TRIM55: variants seen among roughly 807,000 people sequenced by gnomAD.
The protein encoded by TRIM55 is tripartite motif containing 55, also known as tripartite motif-containing protein 55.
TRIM55 carries 50 observed loss-of-function variants against 60.9 expected under a neutral mutation model. The ratio of observed to expected loss-of-function variants is 0.82; its 90% CI spans 0.65 to 1.04. TRIM55 has a LOEUF of 1.04. Among genes scored for constraint, TRIM55 ranks in the 50% least tolerant of loss-of-function variants. TRIM55 has a pLI of 0.00. For synonymous variants in TRIM55, 237 were observed against 238.1 expected, an observed-to-expected ratio of 1.00 and a Z score of 0.04; for missense variants, 681 against 666.9, an observed-to-expected ratio of 1.02 and a Z score of -0.23.
At chr8:66,148,100 C>G (rs1810204814) in intron 4 of TRIM55, among the ~76,000 whole-genome samples, 1 of 152,156 alleles carries the variant, frequency 6.6e-6, no homozygotes, top group African/African-American at 2.4e-5. Context: ...CACTATGGCT[C>G]ACAACCTGCT....
chr8:66,118,168 C>CAAAAAAAAAAAAAAA, the TRIM55 span, among the ~76,000 whole-genome samples: 1 of 39,892 alleles, frequency 2.5e-5, no homozygotes, highest in African/African-American at 6.0e-5. Flanking sequence ...GACTCCGTCT[C>CAAAAAAAAAAAAAAA]AAAAAAAAAA....
intron 3 of TRIM55, among the ~76,000 whole-genome samples, chr8:66,135,414 G>A (rs181409289): frequency 2.0e-4 from 31 of 152,324 alleles, no homozygotes; most frequent in African/African-American, 7.0e-4. Flanking sequence ...GGTGCAGAAC[G>A]GCACGATCCC....
chr8:66,167,697 A>G (rs1811401171), intron 9 of TRIM55, among the ~76,000 whole-genome samples: 1 of 152,174 alleles, frequency 6.6e-6, no homozygotes, highest in Non-Finnish European at 1.5e-5. Flanking sequence ...AGTTCACTCC[A>G]CACACCCCCT....
At chr8:66,113,973 A>G in the TRIM55 span, among the ~76,000 whole-genome samples, 1 of 151,564 alleles carries the variant, frequency 6.6e-6, no homozygotes, top group Non-Finnish European at 1.5e-5. Context: ...GGCACCCGGG[A>G]AGCTGTGCCC....
At chr8:66,137,233 T>C (rs368771107) in intron 4 of TRIM55, 43 bp downstream of exon 4, 5 of 1,479,094 alleles carry the variant, frequency 3.4e-6, no homozygotes, top group African/African-American at 2.8e-5. Flanking sequence ...AAGCCTGCAA[T>C]GCCTGGGGGT....
intron 9 of TRIM55, among the ~76,000 whole-genome samples, chr8:66,162,252 C>T (rs1811094577): frequency 1.3e-5 from 2 of 152,168 alleles, no homozygotes; most frequent in South Asian, 2.1e-4. Flanking sequence ...TTGTCAAATG[C>T]TTTTTCTGCA....
Position 66,130,761 on chromosome 8 carries a change from C to T in TRIM55, c.341+2285C>T, listed in dbSNP as rs180740913. On this transcript the variant is annotated intron_variant, in intron 2 of 9. Transcript: ENST00000315962. ...CTACAAGCTCTGCCTCCCAGGTTCACGCCATTCTCCTGTCTCAGCCTCCCA... is the reference window on the plus strand; with the variant it reads ...CTACAAGCTCTGCCTCCCAGGTTCATGCCATTCTCCTGTCTCAGCCTCCCA... Among the ~76,000 whole-genome samples, 283 of 151,024 alleles carry T rather than the reference C, an allele frequency of 1.9e-3. 2 individuals are homozygous for T. The highest frequency in any genetic ancestry group is 6.5e-3 in the African/African-American group (269 of 41,088).
chr8:66,174,916 G>T lies in TRIM55; in HGVS notation c.*323G>T. ...ACAAGTGGCAAATGGTGAAAAAAGT[G>T]GTCACTATGCTTTTGTCTCTCATAG... On this transcript the variant is annotated 3_prime_UTR_variant, in exon 10 of 10. Transcript: ENST00000315962. 5.9e-6 allele frequency: 1 copy of T among 169,572 alleles called. No homozygotes were observed. The highest frequency in any genetic ancestry group is 1.3e-5 in the Non-Finnish European group (1 of 79,048). The allele number at this position is 169,572 out of a possible 1,614,324, so 10.5% of individuals were successfully genotyped here.
At chr8:66,116,631 A>C in the TRIM55 span, among the ~76,000 whole-genome samples, 1 of 71,448 alleles carries the variant, frequency 1.4e-5, no homozygotes, top group Admixed American at 1.6e-4. Context: ...GAAAGAAAGA[A>C]AAAAGACTGG....
rs1810301406 is a variant in TRIM55 at position 66,149,736 on chromosome 8, T to C, written c.695T>C (p.Val232Ala). 6.2e-7 allele frequency: 1 copy of C among 1,614,068 alleles called. No individual in the cohort carries two copies. Among genetic ancestry groups the C allele is most frequent in the South Asian group, 1.1e-5 (1 of 91,080 alleles). ...GAGAGGAAGAATGAAATGACCCAAG[T>C]CATTACCCGAACCCAAGAGGAGAAA... Reference protein sequence around the residue: ...LEERKNEMTQVITRTQEEKLE... With the variant: ...LEERKNEMTQAITRTQEEKLE... The change falls in exon 5 of 10, where the codon GTC becomes GCC. Residue 232 changes from valine to alanine, a missense_variant. By Grantham distance (64) the Val-to-Ala change is moderately conservative. Coordinates refer to ENST00000315962, the MANE Select transcript of TRIM55 (RefSeq NM_184085.2).
rs1255718089 is a variant in TRIM55 at position 66,174,628 on chromosome 8, G to A, written c.*35G>A. 3.2e-6 allele frequency: 5 copies of A among 1,556,610 alleles called. No individual in the cohort carries two copies. The highest frequency in any genetic ancestry group is 4.9e-5 in the East Asian group (2 of 40,780). On this transcript the variant is annotated 3_prime_UTR_variant, in exon 10 of 10. Coordinates refer to ENST00000315962, the MANE Select transcript of TRIM55 (RefSeq NM_184085.2). ...CAACTGCTGCCCCTCTGTCTGCCTG[G>A]CTGAGATGCATGTGGGCAGCAGGAA...
At chr8:66,142,684 A>G (rs1809886505) in intron 4 of TRIM55, among the ~76,000 whole-genome samples, 1 of 152,218 alleles carries the variant, frequency 6.6e-6, no homozygotes, top group Non-Finnish European at 1.5e-5. Context: ...GGCAACATGA[A>G]GTAGTAGAAA....
chr8:66,153,758 A>G (rs1162830835), intron 8 of TRIM55, among the ~76,000 whole-genome samples: 1 of 152,146 alleles, frequency 6.6e-6, no homozygotes, highest in Non-Finnish European at 1.5e-5. Flanking sequence ...ATATTTTATA[A>G]CCAACATTCA....
At chr8:66,153,804 G>A (rs914970873) in intron 8 of TRIM55, among the ~76,000 whole-genome samples, 1 of 152,108 alleles carries the variant, frequency 6.6e-6, no homozygotes, top group Non-Finnish European at 1.5e-5. Context: ...TGGGCTCCCA[G>A]TGAGTGAAAG....
At position 66,137,009 on chromosome 8, in the gene TRIM55, C is replaced by T. The variant is rs1010841032; in HGVS notation, c.508-86C>T. ...GGTTGCATGGATCCTAAATTAAGAA[C>T]CTGTAAAGACAATATTATGACCAAT... On this transcript the variant is annotated intron_variant, in intron 3 of 9. Coordinates refer to ENST00000315962, the MANE Select transcript of TRIM55 (RefSeq NM_184085.2). 7 of 1,124,254 alleles carry T rather than the reference C, an allele frequency of 6.2e-6. No homozygotes were observed. The Admixed American group carries it at 9.0e-5, about 14-fold the overall frequency. 69.6% of individuals were successfully genotyped at this position (1,124,254 alleles called of 1,614,324 possible).
At chr8:66,125,560 T>C (rs2128971256), upstream of TRIM55, among the ~76,000 whole-genome samples, 1 of 152,344 alleles carries the variant, frequency 6.6e-6, no homozygotes, top group Non-Finnish European at 1.5e-5. Flanking sequence ...CATATTGTAC[T>C]CAGACCTCCC....
chr8:66,150,537 G>T, intron 7 of TRIM55, 71 bp downstream of exon 7: 2 of 1,572,152 alleles, frequency 1.3e-6, no homozygotes, highest in Non-Finnish European at 1.7e-6. Flanking sequence ...TGGGTGGGAG[G>T]AAAGCGGGGA....
At chr8:66,113,415 G>A in the TRIM55 span, 45 of 432,122 alleles carry the variant, frequency 1.0e-4, no homozygotes, top group Admixed American at 7.9e-4. Context: ...TACTTCCTCA[G>A]CAGGAGACAT....
intron 4 of TRIM55, among the ~76,000 whole-genome samples, chr8:66,138,254 A>G (rs1820149183): frequency 1.3e-5 from 2 of 152,060 alleles, no homozygotes; most frequent in Admixed American, 1.3e-4. Context: ...CCACTCTAAC[A>G]TGTTTGATGT....
Sources: gnomAD v4.1 joint callset for allele counts (sites outside exome capture counted in the v4.1 genomes callset) on GRCh38, gnomAD v4.1.1 for gene constraint, MANE v1.5 for transcripts, NCBI Gene and HGNC (gene_info 2026-07-23, HGNC 2026-07-21) for gene names.